NRG3: variants seen among roughly 807,000 people sequenced by gnomAD.
NRG3 encodes the protein neuregulin 3.
NRG3 carries 31 observed loss-of-function variants against 66.9 expected under a neutral mutation model. That is an observed-to-expected ratio of 0.46 (90% confidence interval 0.35 to 0.63). The LOEUF is 0.63. Among genes scored for constraint, NRG3 ranks in the 20% least tolerant of loss-of-function variants. The pLI is 0.00. For synonymous variants in NRG3, 393 were observed against 359.4 expected (o/e 1.09, Z -1.06); for missense variants, 910 against 878.9 (o/e 1.04, Z -0.45).
intron 1 of NRG3, among the ~76,000 whole-genome samples, chr10:82,180,522 T>G (rs1325291565): frequency 6.6e-6 from 1 of 151,972 alleles, no homozygotes; most frequent in Non-Finnish European, 1.5e-5. Context: ...TCCTTTATTC[T>G]GTTAATGTGG....
chr10:82,674,764 C>G lies in NRG3; in HGVS notation c.954-63813C>G, dbSNP rs142313775. ...GTCCCGTTTTGTTCCCCACCCCCAC[C>G]TGCCGTAATGAATTCTTTAACCACC... On this transcript the variant is annotated intron_variant, in intron 2 of 8. Transcript: ENST00000372141. 1.8e-3 allele frequency among the ~76,000 whole-genome samples: 277 copies of G among 151,864 alleles called. 1 individual carries two copies. Among genetic ancestry groups the G allele is most frequent in the Admixed American group, 2.7e-3 (41 of 15,234 alleles).
intron 4 of NRG3, among the ~76,000 whole-genome samples, chr10:82,905,188 C>T (rs1844607183): frequency 6.6e-6 from 1 of 152,138 alleles, no homozygotes; most frequent in Non-Finnish European, 1.5e-5. Context: ...TCAAATTCTG[C>T]AGATTATTTA....
chr10:82,200,459 A>G (rs1481481217), intron 1 of NRG3, among the ~76,000 whole-genome samples: 2 of 152,226 alleles, frequency 1.3e-5, no homozygotes, highest in African/African-American at 4.8e-5. Flanking sequence ...GAAAGGCAGA[A>G]AGAGGACTAG....
At chr10:82,754,184 T>G (rs908377237) in intron 3 of NRG3, among the ~76,000 whole-genome samples, 1 of 151,950 alleles carries the variant, frequency 6.6e-6, no homozygotes, top group African/African-American at 2.4e-5. Flanking sequence ...TTCTTATAAA[T>G]GAATGAAAAG....
chr10:82,208,250 A>G (rs190825580), intron 1 of NRG3, among the ~76,000 whole-genome samples: 33 of 152,286 alleles, frequency 2.2e-4, no homozygotes, highest in Admixed American at 1.8e-3. Flanking sequence ...CTATGTAACA[A>G]TTACACAAAA....
intron 3 of NRG3, among the ~76,000 whole-genome samples, chr10:82,775,044 C>A (rs552715260): frequency 1.3e-5 from 2 of 151,792 alleles, no homozygotes; most frequent in African/African-American, 4.8e-5. Context: ...CCAGGCTGGT[C>A]TTGAACTCCT....
chr10:82,334,545 A>G lies in NRG3; in HGVS notation c.824-24194A>G, dbSNP rs141362668. 3.9e-3 allele frequency among the ~76,000 whole-genome samples: 595 copies of G among 152,346 alleles called. 10 individuals carry two copies. The highest frequency in any genetic ancestry group is 0.014 in the African/African-American group (576 of 41,582). ...AAAGATGGGCACCTTTTTAAAAATT[A>G]TGGGCATTTAGTGAGTGATTTTATA... On this transcript the variant is annotated intron_variant, in intron 1 of 8. Transcript: ENST00000372141.
intron 2 of NRG3, among the ~76,000 whole-genome samples, chr10:82,705,367 GTCTTGA>G (rs1271469418): frequency 6.6e-6 from 1 of 152,166 alleles, no homozygotes; most frequent in Non-Finnish European, 1.5e-5. Context: ...AATATCAAGG[GTCTTGA>G]TCAGAGGCTG....
At chr10:82,262,510 T>C (rs923409081) in intron 1 of NRG3, among the ~76,000 whole-genome samples, 3 of 152,228 alleles carry the variant, frequency 2.0e-5, no homozygotes, top group Admixed American at 6.5e-5. Flanking sequence ...GCTACTCCTA[T>C]TTCCACCTGA....
chr10:82,754,443 T>A (rs1171498767), intron 3 of NRG3, among the ~76,000 whole-genome samples: 1 of 151,640 alleles, frequency 6.6e-6, no homozygotes. Flanking sequence ...ATTGTTACAC[T>A]TAAAGGTAGC....
At chr10:82,475,463 G>A (rs1044297450) in intron 2 of NRG3, among the ~76,000 whole-genome samples, 2 of 152,060 alleles carry the variant, frequency 1.3e-5, no homozygotes, top group African/African-American at 2.4e-5. Flanking sequence ...CAGTAATGAA[G>A]GAGCTCCTGA....
At chr10:82,448,994 C>A (rs1458482928) in intron 2 of NRG3, among the ~76,000 whole-genome samples, 2 of 152,162 alleles carry the variant, frequency 1.3e-5, no homozygotes, top group Non-Finnish European at 2.9e-5. Context: ...TCATTCATTG[C>A]ATATTATCTT....
intron 2 of NRG3, among the ~76,000 whole-genome samples, chr10:82,464,402 G>A (rs1030630856): frequency 6.6e-6 from 1 of 152,158 alleles, no homozygotes; most frequent in Non-Finnish European, 1.5e-5. Flanking sequence ...TGACTCGATG[G>A]GGGGAAGGCT....
chr10:82,037,187 G>A (rs866339995), intron 1 of NRG3, among the ~76,000 whole-genome samples: 14 of 152,140 alleles, frequency 9.2e-5, no homozygotes, highest in Middle Eastern at 3.2e-3. Flanking sequence ...GCTTCTGGAT[G>A]GAGTCAGACT....
At chr10:82,608,120 T>A (rs1024818755) in intron 2 of NRG3, among the ~76,000 whole-genome samples, 60 of 152,318 alleles carry the variant, frequency 3.9e-4, no homozygotes, top group African/African-American at 1.4e-3. Flanking sequence ...AGCAAAAAAT[T>A]TCTTCAGTTT....
chr10:82,967,534 G>C (rs1385765762), intron 6 of NRG3, among the ~76,000 whole-genome samples: 1 of 152,108 alleles, frequency 6.6e-6, no homozygotes, highest in Non-Finnish European at 1.5e-5. Flanking sequence ...TGGCTAGGCG[G>C]TGCATTTGGG....
At chr10:82,580,901 TTGTGTGTGTGTGTGTGTGTG>T (rs56906298) in intron 2 of NRG3, among the ~76,000 whole-genome samples, 1 of 147,210 alleles carries the variant, frequency 6.8e-6, no homozygotes, top group East Asian at 2.0e-4. Flanking sequence ...GTTTGTAAGT[TTGTGTGTGTGTGTGTGTGTG>T]TGTGTGTGTG....
intron 1 of NRG3, among the ~76,000 whole-genome samples, chr10:81,903,281 A>C (rs576728280): frequency 2.0e-5 from 3 of 152,184 alleles, no homozygotes; most frequent in Admixed American, 6.5e-5. Flanking sequence ...GCGGGTACAC[A>C]GCATGTAATT....
rs147447244 is a variant in NRG3, at chr10:81,940,547, G to A, written c.823+64384G>A. ...TTTATTTTTATTTTTTGAGGAGATG[G>A]GGGTCTCATTATGTTGTGCAGGCTC... On this transcript the variant is annotated intron_variant, in intron 1 of 8. Transcript: ENST00000372141. Among the ~76,000 whole-genome samples the A allele has an allele frequency of 2.6e-3, 399 of 151,884 alleles. 1 individual carries two copies. The highest frequency in any genetic ancestry group is 9.5e-3 in the African/African-American group (393 of 41,432).
Sources: allele counts gnomAD v4.1 joint callset (sites outside exome capture counted in the v4.1 genomes callset), GRCh38; gene constraint gnomAD v4.1.1; transcripts MANE v1.5; gene names NCBI Gene and HGNC (gene_info 2026-07-23, HGNC 2026-07-21).